The following SLC30A5 variants were observed in gnomAD, a reference collection of about 807,000 sequenced individuals.
The protein encoded by SLC30A5 is proton-coupled zinc antiporter SLC30A5.
In SLC30A5, 33 loss-of-function variants were observed where a neutral mutation model predicts 79.6. The ratio of observed to expected loss-of-function variants is 0.41; its 90% CI spans 0.31 to 0.55. SLC30A5 has a LOEUF of 0.55. Ranked by LOEUF, SLC30A5 falls within the 20% of genes least tolerant of loss-of-function variation. The probability of loss-of-function intolerance (pLI) is 0.20; values close to 1 mark genes in which losing one functional copy is unlikely to be tolerated. For synonymous variants in SLC30A5, 299 were observed against 319.7 expected (o/e 0.94, Z 0.69); for missense variants, 788 against 928.1 (o/e 0.85, Z 1.96).
Position 69,100,946 on chromosome 5 carries a change from G to C in SLC30A5, c.206+17G>C. The C allele has an allele frequency of 4.4e-6, 6 of 1,355,688 alleles. No homozygotes were observed. The highest frequency in any genetic ancestry group is 6.0e-6 in the Non-Finnish European group (6 of 1,003,592). 84.0% of individuals were successfully genotyped at this position (1,355,688 alleles called of 1,614,324 possible). On this transcript the variant is annotated intron_variant, in intron 2 of 15. Coordinates refer to ENST00000396591, the MANE Select transcript of SLC30A5 (RefSeq NM_022902.5). ...AAAACTTGGGTGAGTGTGGGGGGGG[G>C]TTTTTTCTTGATATTTTTTATTTCT...
chr5:69,114,997 G>A (rs114928746), intron 7 of SLC30A5, among the ~76,000 whole-genome samples: 2,429 of 152,090 alleles, frequency 0.016, 54 homozygotes, highest in African/African-American at 0.055. Context: ...TGGTGTGGTG[G>A]TGTGTGCCAG....
chr5:69,095,034 A>C (rs1298885840), intron 1 of SLC30A5, among the ~76,000 whole-genome samples: 2 of 152,102 alleles, frequency 1.3e-5, no homozygotes, highest in African/African-American at 4.8e-5. Context: ...ATAGTGTCGA[A>C]AATGCACAAA....
intron 1 of SLC30A5, among the ~76,000 whole-genome samples, chr5:69,098,341 A>G (rs1366460779): frequency 6.6e-6 from 1 of 152,180 alleles, no homozygotes; most frequent in Non-Finnish European, 1.5e-5. Context: ...CTGGCCAACC[A>G]GCATGGCAAA....
In SLC30A5 at chr5:69,094,309, C is replaced by A; in HGVS notation, c.54C>A (p.Gly18=). 1 of 1,255,244 alleles carries A rather than the reference C, an allele frequency of 8.0e-7. No homozygotes were observed. Among genetic ancestry groups the A allele is most frequent in the Non-Finnish European group, 1.0e-6 (1 of 993,276 alleles). The allele number at this position is 1,255,244 out of a possible 1,614,324, so 77.8% of individuals were successfully genotyped here. A position where few individuals can be genotyped will look rare whatever the true frequency, so the allele number is the denominator to read the frequency against. ...DVLAGPGGGG[G]LGPVDVPSAR... is the part of the protein sequence containing the mutation. ...TGGCCGGCCCCGGCGGCGGCGGCGG[C>A]CTTGGGCCGGTGGACGTACCCAGCG... The change falls in exon 1 of 16, where the codon GGC becomes GGA. Residue 18 remains glycine (G), a synonymous_variant. Transcript: ENST00000396591.
chr5:69,100,935 T>C lies in SLC30A5; in HGVS notation c.206+6T>C, dbSNP rs747508760. The C allele has an allele frequency of 1.5e-6, 2 of 1,360,836 alleles. No homozygotes were observed. Among genetic ancestry groups the C allele is most frequent in the Non-Finnish European group, 2.0e-6 (2 of 992,524 alleles). The allele number at this position is 1,360,836 out of a possible 1,614,324, so 84.3% of individuals were successfully genotyped here. On this transcript the variant is annotated splice_donor_region_variant and intron_variant, in intron 2 of 15. Coordinates refer to ENST00000396591, the MANE Select transcript of SLC30A5 (RefSeq NM_022902.5). Reference sequence around the variant, plus strand: ...ATTTTTATATTAAAACTTGGGTGAGTGTGGGGGGGGGTTTTTTCTTGATAT... The same window carrying C: ...ATTTTTATATTAAAACTTGGGTGAGCGTGGGGGGGGGTTTTTTCTTGATAT...
Position 69,100,943 on chromosome 5 carries a change from G to C in SLC30A5, c.206+14G>C. The C allele has an allele frequency of 1.3e-6, 2 of 1,489,304 alleles. No homozygotes were observed. Among genetic ancestry groups the C allele is most frequent in the African/African-American group, 1.4e-5 (1 of 71,332 alleles). The allele number at this position is 1,489,304 out of a possible 1,614,324, so 92.3% of individuals were successfully genotyped here. A position where few individuals can be genotyped will look rare whatever the true frequency, so the allele number is the denominator to read the frequency against. ...ATTAAAACTTGGGTGAGTGTGGGGGGGGGTTTTTTCTTGATATTTTTTATT... is the reference window on the plus strand; with the variant it reads ...ATTAAAACTTGGGTGAGTGTGGGGGCGGGTTTTTTCTTGATATTTTTTATT... On this transcript the variant is annotated intron_variant, in intron 2 of 15. Transcript: ENST00000396591.
chr5:69,126,641 G>A (rs1011003130), intron 14 of SLC30A5, among the ~76,000 whole-genome samples: 5 of 151,750 alleles, frequency 3.3e-5, no homozygotes, highest in Admixed American at 2.0e-4. Flanking sequence ...GTGGTGGCAC[G>A]TGCCTGTAGT....
intron 5 of SLC30A5, 28 bp downstream of exon 5, chr5:69,108,464 G>A (rs1237064217): frequency 6.9e-7 from 1 of 1,439,370 alleles, no homozygotes; most frequent in Non-Finnish European, 9.8e-7. Context: ...CAGTTACTTG[G>A]AAATGGAAAG....
At chr5:69,113,924 C>T (rs748404112) in intron 6 of SLC30A5, among the ~76,000 whole-genome samples, 3 of 152,062 alleles carry the variant, frequency 2.0e-5, no homozygotes, top group Non-Finnish European at 4.4e-5. Flanking sequence ...GCTTGTGATA[C>T]AACCTCTATT....
At chr5:69,115,585 T>C (rs974128530) in intron 8 of SLC30A5, among the ~76,000 whole-genome samples, 178 bp downstream of exon 8, 6 of 152,238 alleles carry the variant, frequency 3.9e-5, no homozygotes, top group African/African-American at 1.4e-4. Context: ...TTTTATTGTT[T>C]ATAGAAAATA....
chr5:69,118,801 C>CTTT (rs35781175), intron 12 of SLC30A5, among the ~76,000 whole-genome samples, 173 bp downstream of exon 12: 36 of 97,308 alleles, frequency 3.7e-4, no homozygotes, highest in South Asian at 1.8e-3. Context: ...TAGAAATTCT[C>CTTT]TTTTTTTTTT....
intron 12 of SLC30A5, among the ~76,000 whole-genome samples, chr5:69,121,122 C>A (rs187136750): frequency 2.6e-5 from 4 of 152,140 alleles, no homozygotes; most frequent in African/African-American, 9.6e-5. Context: ...GCAACATAGA[C>A]CCTGTCTCTA....
Position 69,116,339 on chromosome 5 carries a change from G to C in SLC30A5, c.1073-55G>C. 6.6e-7 allele frequency: 1 copy of C among 1,514,394 alleles called. No homozygotes were observed. The highest frequency in any genetic ancestry group is 1.3e-5 in the South Asian group (1 of 75,056). The allele number at this position is 1,514,394 out of a possible 1,614,324, so 93.8% of individuals were successfully genotyped here. ...TTTAGTGCCGACAGTTACTGTGTTG[G>C]TTTTGGTAGCTTAAACTTCGAAAAT... On this transcript the variant is annotated intron_variant, in intron 9 of 15. Coordinates refer to ENST00000396591, the MANE Select transcript of SLC30A5 (RefSeq NM_022902.5). The surrounding 1 kb of genome is among the most constrained non-coding windows in gnomAD (Gnocchi z 4.0).
intron 3 of SLC30A5, chr5:69,104,018 TGATCCTAG>T (rs1235308725): frequency 6.4e-7 from 1 of 1,571,910 alleles, no homozygotes; most frequent in East Asian, 2.3e-5. Context: ...AAAAGTTAAA[TGATCCTAG>T]GAAACTAGTG....
chr5:69,103,202 A>ATAATGGGTAC, intron 3 of SLC30A5, 74 bp downstream of exon 3: 2 of 754,826 alleles, frequency 2.6e-6, no homozygotes, highest in South Asian at 3.4e-5. Context: ...CTTATTTTTT[A>ATAATGGGTAC]TAATGGGTAC....
Position 69,130,052 on chromosome 5 carries a change from G to A in SLC30A5, c.*435G>A, listed in dbSNP as rs1248677503. On this transcript the variant is annotated 3_prime_UTR_variant, in exon 16 of 16. Coordinates refer to ENST00000396591, the MANE Select transcript of SLC30A5 (RefSeq NM_022902.5). ...TAGGAATAAAAGTTCTATATTTATG[G>A]ATTTTCTGTATATAAAACTGGTTTC... 1 of 152,108 alleles carries A rather than the reference G, an allele frequency of 6.6e-6. No homozygotes were observed. 9.4% of individuals were successfully genotyped at this position (152,108 alleles called of 1,614,324 possible).
chr5:69,098,139 C>G (rs1483663868), intron 1 of SLC30A5, among the ~76,000 whole-genome samples: 1 of 152,084 alleles, frequency 6.6e-6, no homozygotes, highest in Non-Finnish European at 1.5e-5. Flanking sequence ...GCCCATCCCC[C>G]CACACCCCCA....
At chr5:69,127,743 C>T (rs1475146080) in intron 14 of SLC30A5, among the ~76,000 whole-genome samples, 1 of 151,996 alleles carries the variant, frequency 6.6e-6, no homozygotes, top group Non-Finnish European at 1.5e-5. Flanking sequence ...TTTTTTTTCC[C>T]CCACACATCT....
chr5:69,103,443 A>G (rs1009276215), intron 3 of SLC30A5, among the ~76,000 whole-genome samples: 2 of 152,206 alleles, frequency 1.3e-5, no homozygotes, highest in African/African-American at 4.8e-5. Context: ...AGCCTAGTAC[A>G]AATGTCACTG....
Sources: gnomAD v4.1 joint callset for allele counts (sites outside exome capture counted in the v4.1 genomes callset) on GRCh38, gnomAD v4.1.1 for gene constraint, Gnocchi (gnomAD v3.1) non-coding constraint, MANE v1.5 for transcripts, NCBI Gene and HGNC (gene_info 2026-07-23, HGNC 2026-07-21) for gene names.